VEPH1: variants seen among roughly 807,000 people sequenced by gnomAD.
VEPH1 encodes the protein ventricular zone-expressed PH domain-containing protein homolog 1.
In VEPH1, 80 loss-of-function variants were observed where a neutral mutation model predicts 85.2. The ratio of observed to expected loss-of-function variants is 0.94; its 90% CI spans 0.78 to 1.13. The LOEUF (loss-of-function observed/expected upper bound fraction) is 1.13, where lower values mean the gene tolerates loss of function less well. Among genes scored for constraint, VEPH1 ranks in the 50% most tolerant of loss-of-function variants. The pLI is 0.00. For synonymous variants in VEPH1, 297 were observed against 348.0 expected, an observed-to-expected ratio of 0.85 and a Z score of 1.63; for missense variants, 955 against 980.5, an observed-to-expected ratio of 0.97 and a Z score of 0.35.
intron 4 of VEPH1, among the ~76,000 whole-genome samples, chr3:157,453,357 G>A (rs1735123935): frequency 6.6e-6 from 1 of 152,040 alleles, no homozygotes; most frequent in Non-Finnish European, 1.5e-5. Flanking sequence ...GTAGGTTTCT[G>A]TTACCTAAAA....
chr3:157,437,596 ATGC>A (rs1733716173), intron 4 of VEPH1: 4 of 1,578,210 alleles, frequency 2.5e-6, no homozygotes, highest in Non-Finnish European at 3.4e-6. Flanking sequence ...GAGAGAGCGC[ATGC>A]TGCTGCAAGC....
At position 157,501,548 on chromosome 3, in the gene VEPH1, C is replaced by T. The variant is rs533046175; in HGVS notation, c.-158+1729G>A. 3.9e-5 allele frequency among the ~76,000 whole-genome samples: 6 copies of T among 152,234 alleles called. No individual in the cohort carries two copies. The East Asian group carries it at 1.2e-3, about 29-fold the overall frequency. On this transcript the variant is annotated intron_variant, in intron 1 of 13. Coordinates refer to ENST00000362010, the MANE Select transcript of VEPH1 (RefSeq NM_001167912.2). ...TTTTCAAGGTGACGTACACTCAATG[C>T]CCACTAATAAAACATTAGTGGCTTA...
At chr3:157,410,369 G>C (rs1454542474) in intron 6 of VEPH1, among the ~76,000 whole-genome samples, 1 of 151,998 alleles carries the variant, frequency 6.6e-6, no homozygotes, top group African/African-American at 2.4e-5. Flanking sequence ...TTTCTTTGTT[G>C]ACATTTCCTT....
chr3:157,493,308 A>G (rs1298594600), intron 2 of VEPH1: 2 of 456,264 alleles, frequency 4.4e-6, no homozygotes, highest in Non-Finnish European at 8.8e-6. Context: ...AGAGAAATTG[A>G]GAAGTGGAAT....
In VEPH1 at chr3:157,437,633, A is replaced by G. The variant is rs1475979980; in HGVS notation, c.530-9145T>C. 1.9e-6 allele frequency: 3 copies of G among 1,554,590 alleles called. No individual in the cohort carries two copies. In the East Asian group the frequency reaches 7.3e-5, roughly 38 times the overall value. On this transcript the variant is annotated intron_variant, in intron 4 of 13. Transcript: ENST00000362010. The stretch of plus-strand genomic sequence containing the variant: ...GCCACGGACGACGTCCTGCGGGGCG[A>G]GCTGCAGAGGCTGCGGGAGGAGCTG...
intron 9 of VEPH1, among the ~76,000 whole-genome samples, chr3:157,360,028 A>T (rs1449031058): frequency 6.6e-6 from 1 of 152,216 alleles, no homozygotes; most frequent in African/African-American, 2.4e-5. Context: ...ATCAAGAAAG[A>T]TCAAATATGT....
At chr3:157,444,728 G>A (rs560349589) in intron 4 of VEPH1, among the ~76,000 whole-genome samples, 23 of 152,300 alleles carry the variant, frequency 1.5e-4, no homozygotes, top group African/African-American at 2.4e-4. Flanking sequence ...GTTGCAGGCC[G>A]AGATAAATGC....
At chr3:157,442,768 A>C in intron 4 of VEPH1, 1 of 1,614,238 alleles carries the variant, frequency 6.2e-7, no homozygotes, top group Non-Finnish European at 8.5e-7. Context: ...CAGATTGGCC[A>C]AGAAAAGAAT....
rs73873687 is a variant in VEPH1, at chr3:157,433,491, G to A, written c.530-5003C>T. 3.6e-3 allele frequency among the ~76,000 whole-genome samples: 547 copies of A among 152,228 alleles called. 2 individuals are homozygous for A. Among genetic ancestry groups the A allele is most frequent in the African/African-American group, 0.013 (522 of 41,544 alleles). Reference sequence around the variant, plus strand: ...TATGATGATTCTTCTCCTTTAAACTGTTAATGTAATAAGTTAACAGCTATT... The same window carrying A: ...TATGATGATTCTTCTCCTTTAAACTATTAATGTAATAAGTTAACAGCTATT... On this transcript the variant is annotated intron_variant, in intron 4 of 13. Coordinates refer to ENST00000362010, the MANE Select transcript of VEPH1 (RefSeq NM_001167912.2).
At chr3:157,439,138 G>A (rs1169924757) in intron 4 of VEPH1, among the ~76,000 whole-genome samples, 2 of 152,210 alleles carry the variant, frequency 1.3e-5, no homozygotes, top group Non-Finnish European at 2.9e-5. Context: ...GATTCTCAAT[G>A]TGACAGGAGA....
intron 9 of VEPH1, among the ~76,000 whole-genome samples, chr3:157,345,675 G>A (rs374329649): frequency 6.6e-6 from 1 of 152,106 alleles, no homozygotes; most frequent in Admixed American, 6.5e-5. Context: ...CCATCCCATT[G>A]CTGGGTATAT....
intron 2 of VEPH1, among the ~76,000 whole-genome samples, chr3:157,472,958 T>G (rs1737101780): frequency 6.6e-6 from 1 of 152,142 alleles, no homozygotes; most frequent in East Asian, 1.9e-4. Context: ...GCTATTGAGC[T>G]TCACAAATTT....
intron 2 of VEPH1, among the ~76,000 whole-genome samples, chr3:157,481,706 T>G (rs1003696757): frequency 1.9e-4 from 29 of 152,190 alleles, no homozygotes; most frequent in African/African-American, 7.0e-4. Context: ...TGGTGTTTCC[T>G]AGATTATCTT....
At position 157,460,097 on chromosome 3, in the gene VEPH1, C is replaced by T. The variant is rs754921668; in HGVS notation, c.529+84G>A. ...TTTGCTTCTAATACTCTAGGTCTTG[C>T]TTCCCACAAACCATAAATGCTTGAT... On this transcript the variant is annotated intron_variant, in intron 4 of 13. Transcript: ENST00000362010. The T allele has an allele frequency of 2.4e-5, 39 of 1,612,712 alleles. No homozygotes were observed. The South Asian group carries it at 4.0e-4, about 16-fold the overall frequency.
At chr3:157,462,990 T>C (rs755096006) in intron 3 of VEPH1, among the ~76,000 whole-genome samples, 3 of 152,184 alleles carry the variant, frequency 2.0e-5, no homozygotes, top group Non-Finnish European at 4.4e-5. Flanking sequence ...CAAAAGTAGT[T>C]GCTGTCATCT....
At chr3:157,314,390 T>C (rs1334125365) in intron 10 of VEPH1, among the ~76,000 whole-genome samples, 2 of 113,542 alleles carry the variant, frequency 1.8e-5, no homozygotes, top group Non-Finnish European at 4.1e-5. Flanking sequence ...AAACATATGA[T>C]ATATTTCAGG....
At chr3:157,279,473 G>A (rs1030581877) in intron 12 of VEPH1, among the ~76,000 whole-genome samples, 7 of 152,100 alleles carry the variant, frequency 4.6e-5, no homozygotes, top group Non-Finnish European at 7.4e-5. Flanking sequence ...TGGATAGAGA[G>A]AGACAACTCT....
chr3:157,465,927 T>G (rs1049681971), intron 3 of VEPH1, among the ~76,000 whole-genome samples: 2 of 152,180 alleles, frequency 1.3e-5, no homozygotes, highest in Non-Finnish European at 2.9e-5. Flanking sequence ...AATGTGGAGC[T>G]GATTAAATAC....
intron 9 of VEPH1, among the ~76,000 whole-genome samples, chr3:157,361,840 A>G (rs1005738929): frequency 3.3e-5 from 5 of 152,210 alleles, no homozygotes. Context: ...TATAGTAATC[A>G]AGATATATAA....
Sources: allele counts gnomAD v4.1 joint callset (sites outside exome capture counted in the v4.1 genomes callset), GRCh38; gene constraint gnomAD v4.1.1; transcripts MANE v1.5; gene names NCBI Gene and HGNC (gene_info 2026-07-23, HGNC 2026-07-21).